SLC43A1: variants seen among roughly 807,000 people sequenced by gnomAD.
The protein encoded by SLC43A1 is solute carrier family 43 member 1.
Under a neutral mutation model 59.5 loss-of-function variants are expected in SLC43A1, and 31 were observed. The observed-to-expected ratio is 0.52, with a 90% CI of 0.39 to 0.70. The LOEUF is 0.70. Ranked by LOEUF, SLC43A1 falls within the 30% of genes least tolerant of loss-of-function variation. The pLI, the probability that SLC43A1 is intolerant of heterozygous loss-of-function variation, is 0.00. For synonymous variants in SLC43A1, 259 were observed against 290.9 expected (o/e 0.89, Z 1.12); for missense variants, 598 against 717.8 (o/e 0.83, Z 1.91).
At chr11:57,491,099 G>A in intron 11 of SLC43A1, 125 bp downstream of exon 11, 2 of 1,202,470 alleles carry the variant, frequency 1.7e-6, no homozygotes, top group Non-Finnish European at 2.2e-6. Flanking sequence ...TGTAAAATGG[G>A]GAGGTACCCC....
At position 57,501,281 on chromosome 11, in the gene SLC43A1, C is replaced by T. The variant is rs1299697409; in HGVS notation, c.203G>A (p.Gly68Asp). The T allele has an allele frequency of 1.2e-6, 2 of 1,611,852 alleles. No individual in the cohort carries two copies. The highest frequency in any genetic ancestry group is 1.7e-6 in the Non-Finnish European group (2 of 1,180,018). The stretch of plus-strand genomic sequence containing the variant: ...GAGCATCTCGTCCTGCTGGTCACAG[C>T]CTGGCCACCTGCGCTGCTCATCCTG... Reference protein sequence around the residue: ...TTQDEQRRWPGCDQQDEMLNL... With the variant: ...TTQDEQRRWPDCDQQDEMLNL... Residue 68 changes from glycine to aspartate, a missense_variant, in exon 3 of 15, where the codon GGC becomes GAC. By Grantham distance (94) the Gly-to-Asp change is moderately conservative. Transcript: ENST00000278426.
In SLC43A1 at chr11:57,514,098, A is replaced by C. The variant is rs886906050; in HGVS notation, c.14T>G (p.Leu5Arg). The C allele has an allele frequency of 2.3e-5, 37 of 1,593,834 alleles. No individual in the cohort carries two copies. Among genetic ancestry groups the C allele is most frequent in the Non-Finnish European group, 3.2e-5 (37 of 1,170,696 alleles). The change falls in exon 2 of 15, where the codon CTG (leucine) becomes CGG (arginine). Residue 5 changes from leucine (L) to arginine (R), a missense_variant. Leu to Arg is a moderately radical substitution (Grantham distance 102). Coordinates refer to ENST00000278426, the MANE Select transcript of SLC43A1 (RefSeq NM_003627.6). The surrounding 1 kb of genome is among the most constrained non-coding windows in gnomAD (Gnocchi z 5.5). ...CCAGCGCCTCCGGTACGCCTGTTGC[A>C]GCGTGGGGGCCATGCTGGCCCCGAG... MAPT[L>R]QQAYRRRWWM...
At chr11:57,508,139 C>T (rs1220499973) in intron 2 of SLC43A1, among the ~76,000 whole-genome samples, 2 of 151,942 alleles carry the variant, frequency 1.3e-5, no homozygotes, top group African/African-American at 4.8e-5. Flanking sequence ...TGGTGGCATG[C>T]ACCTGTAATC....
At chr11:57,488,855 C>T (rs1943816888) in intron 13 of SLC43A1, 61 bp downstream of exon 13, 1 of 1,447,158 alleles carries the variant, frequency 6.9e-7, no homozygotes. Context: ...CCAACCCTTC[C>T]CTGGGGTTCT....
intron 2 of SLC43A1, among the ~76,000 whole-genome samples, chr11:57,505,556 G>GTATATAGGTACA (rs1466480334): frequency 5.9e-5 from 9 of 151,908 alleles, no homozygotes; most frequent in Non-Finnish European, 1.2e-4. Context: ...AACGATACAC[G>GTATATAGGTACA]TATATACGTA....
intron 2 of SLC43A1, among the ~76,000 whole-genome samples, chr11:57,502,799 G>A (rs995698641): frequency 2.0e-5 from 3 of 151,518 alleles, no homozygotes; most frequent in African/African-American, 7.3e-5. Flanking sequence ...GCTTGAGCCC[G>A]GGCGGTCGAG....
At chr11:57,489,497 G>A (rs1943840326) in intron 11 of SLC43A1, 105 bp from the exon 12 acceptor site, 5 of 1,344,114 alleles carry the variant, frequency 3.7e-6, no homozygotes, top group Non-Finnish European at 2.1e-6. Flanking sequence ...TGTCAGGGCA[G>A]CAGAAAACAC....
At chr11:57,493,423 G>A (rs1943990553) in intron 8 of SLC43A1, among the ~76,000 whole-genome samples, 3 of 136,984 alleles carry the variant, frequency 2.2e-5, no homozygotes, top group Non-Finnish European at 4.9e-5. Context: ...AGGAAATCAA[G>A]AGCAAGGTTA....
At chr11:57,509,686 G>A (rs1232378156) in intron 2 of SLC43A1, among the ~76,000 whole-genome samples, 2 of 115,054 alleles carry the variant, frequency 1.7e-5, no homozygotes, top group Non-Finnish European at 3.5e-5. Flanking sequence ...GGGAGGGAGG[G>A]AGAGAGGGAG....
chr11:57,499,358 T>A (rs1944187975), intron 5 of SLC43A1, among the ~76,000 whole-genome samples: 3 of 150,936 alleles, frequency 2.0e-5, no homozygotes, highest in South Asian at 2.1e-4. Flanking sequence ...TAAACACATA[T>A]AACTAAATTA....
At chr11:57,506,290 G>T (rs1198784459) in intron 2 of SLC43A1, among the ~76,000 whole-genome samples, 1 of 152,228 alleles carries the variant, frequency 6.6e-6, no homozygotes, top group Non-Finnish European at 1.5e-5. Context: ...AGGACGCAAT[G>T]AGCTGAGACC....
intron 11 of SLC43A1, among the ~76,000 whole-genome samples, chr11:57,490,416 A>G (rs1018433594): frequency 6.6e-6 from 1 of 152,160 alleles, no homozygotes; most frequent in Non-Finnish European, 1.5e-5. Context: ...CTTCCACAGT[A>G]TATCAGGGTT....
Position 57,491,134 on chromosome 11 carries a change from AAGC to A in SLC43A1, c.1193+87_1193+89del, listed in dbSNP as rs1303075574. On this transcript the variant is annotated intron_variant, in intron 11 of 14. Coordinates refer to ENST00000278426, the MANE Select transcript of SLC43A1 (RefSeq NM_003627.6). ...CTGATCTCCTAGGGTTCTTGGGAGAAAGCAACAAGTTGCTGGATGTAAACGCAC... is the reference window on the plus strand; with the variant it reads ...CTGATCTCCTAGGGTTCTTGGGAGAAAACAAGTTGCTGGATGTAAACGCAC... 3 of 1,415,088 alleles carry A rather than the reference AAGC, an allele frequency of 2.1e-6. No individual in the cohort carries two copies. The East Asian group carries it at 7.6e-5, about 36-fold the overall frequency. The allele number at this position is 1,415,088 out of a possible 1,614,324, so 87.7% of individuals were successfully genotyped here.
Position 57,514,705 on chromosome 11 carries a change from C to A in SLC43A1, c.-13-581G>T, listed in dbSNP as rs1944639590. 3 of 526,580 alleles carry A rather than the reference C, an allele frequency of 5.7e-6. No individual in the cohort carries two copies. In the South Asian group the frequency reaches 2.4e-4, roughly 43 times the overall value. The allele number at this position is 526,580 out of a possible 1,614,324, so 32.6% of individuals were successfully genotyped here. ...GACCCTACAGTCTCTCGGGCCAAGC[C>A]AACAGCTGCCACGTGGAGGGAGACC... On this transcript the variant is annotated intron_variant, in intron 1 of 14. Transcript: ENST00000278426. This position sits in a 1 kb window ranked among gnomAD's most constrained non-coding sequence, Gnocchi z 5.5.
intron 5 of SLC43A1, among the ~76,000 whole-genome samples, chr11:57,500,210 A>G (rs186968877): frequency 1.3e-5 from 2 of 152,296 alleles, no homozygotes; most frequent in Middle Eastern, 3.4e-3. Flanking sequence ...AGGTGTCGAC[A>G]ATTTCATATG....
chr11:57,504,842 T>G (rs1041666355), intron 2 of SLC43A1, among the ~76,000 whole-genome samples: 3 of 152,240 alleles, frequency 2.0e-5, no homozygotes, highest in African/African-American at 7.2e-5. Flanking sequence ...TCATTCCTGT[T>G]TTATCGATCA....
rs1944084327 is a variant in SLC43A1 at position 57,496,295 on chromosome 11, G to C, written c.559-131C>G. On this transcript the variant is annotated intron_variant, in intron 6 of 14. Transcript: ENST00000278426. ...GTCCTTGTGCCCAATTTGCAGATGA[G>C]GAAACCAAGACCAGAAGTTTAGAGT... 2.9e-6 allele frequency: 3 copies of C among 1,024,816 alleles called. No individual in the cohort carries two copies. In the African/African-American group the frequency reaches 4.9e-5, roughly 17 times the overall value. 63.5% of individuals were successfully genotyped at this position (1,024,816 alleles called of 1,614,324 possible).
intron 2 of SLC43A1, among the ~76,000 whole-genome samples, chr11:57,505,926 G>C (rs1207036415): frequency 6.6e-6 from 1 of 152,204 alleles, no homozygotes; most frequent in Non-Finnish European, 1.5e-5. Flanking sequence ...TCTGAGAATT[G>C]TCACACATAC....
intron 5 of SLC43A1, among the ~76,000 whole-genome samples, chr11:57,499,044 C>A (rs1944173069): frequency 6.6e-6 from 1 of 152,078 alleles, no homozygotes; most frequent in Non-Finnish European, 1.5e-5. Flanking sequence ...GCGTTTAGGC[C>A]GGGCGCAGTG....
Sources: gnomAD v4.1 joint callset for allele counts (sites outside exome capture counted in the v4.1 genomes callset) on GRCh38, gnomAD v4.1.1 for gene constraint, Gnocchi (gnomAD v3.1) non-coding constraint, MANE v1.5 for transcripts, NCBI Gene and HGNC (gene_info 2026-07-23, HGNC 2026-07-21) for gene names.